The following ERC2 variants were observed in gnomAD, a reference collection of about 807,000 sequenced individuals.
ERC2 encodes the protein ELKS/RAB6-interacting/CAST family member 2, also known as ERC protein 2.
Under a neutral mutation model 114.8 loss-of-function variants are expected in ERC2, and 42 were observed. The ratio of observed to expected loss-of-function variants is 0.37; its 90% CI spans 0.29 to 0.47. ERC2 has a LOEUF of 0.47. Among genes scored for constraint, ERC2 ranks in the 20% least tolerant of loss-of-function variants. ERC2 has a pLI of 0.99. For missense variants in ERC2, 939 were observed against 1,150.7 expected (o/e 0.82, Z 2.66); for synonymous variants, 454 against 425.5 (o/e 1.07, Z -0.82).
chr3:56,365,468 TAAC>T (rs1282540328), intron 2 of ERC2, among the ~76,000 whole-genome samples: 2 of 152,236 alleles, frequency 1.3e-5, no homozygotes, highest in African/African-American at 4.8e-5. Context: ...CAAAATCAGC[TAAC>T]AACACGTTTC....
intron 2 of ERC2, among the ~76,000 whole-genome samples, chr3:56,400,413 A>C (rs1328075955): frequency 2.6e-5 from 4 of 152,210 alleles, no homozygotes; most frequent in Non-Finnish European, 4.4e-5. Context: ...CAAAAAATTA[A>C]ACTAAAATCT....
chr3:55,770,047 A>G (rs971821158), intron 14 of ERC2, among the ~76,000 whole-genome samples: 3 of 152,216 alleles, frequency 2.0e-5, no homozygotes, highest in African/African-American at 7.2e-5. Context: ...CGAATGGGAT[A>G]TAAGAGAAAG....
At chr3:55,847,661 G>A (rs1031637861) in intron 14 of ERC2, among the ~76,000 whole-genome samples, 1 of 149,630 alleles carries the variant, frequency 6.7e-6, no homozygotes, top group Non-Finnish European at 1.5e-5. Context: ...GGTGCCGGGA[G>A]GACAGATGAA....
chr3:55,663,778 G>T (rs771089358), intron 17 of ERC2, among the ~76,000 whole-genome samples: 1 of 152,068 alleles, frequency 6.6e-6, no homozygotes, highest in Non-Finnish European at 1.5e-5. Context: ...TAACTAAGTG[G>T]CTAAGTAAAT....
At chr3:55,761,765 A>G (rs2067450962) in intron 14 of ERC2, among the ~76,000 whole-genome samples, 1 of 150,228 alleles carries the variant, frequency 6.7e-6, no homozygotes, top group African/African-American at 2.5e-5. Context: ...AGTCCCAGCT[A>G]CTCGGGAGGC....
Position 56,068,214 on chromosome 3 carries a change from G to A in ERC2, c.1641+12603C>T, listed in dbSNP as rs531753387. Among the ~76,000 whole-genome samples, 23 of 152,274 alleles carry A rather than the reference G, an allele frequency of 1.5e-4. 1 individual carries two copies. In the South Asian group the frequency reaches 4.4e-3, roughly 29 times the overall value. On this transcript the variant is annotated intron_variant, in intron 7 of 17. Coordinates refer to ENST00000288221, the MANE Select transcript of ERC2 (RefSeq NM_015576.3). ...GCTATTTATTACTGCCTCAATTTCA[G>A]AACTTGTTATTGGTCTATTCAAGGA...
chr3:56,106,956 G>A (rs2078696711), intron 6 of ERC2, among the ~76,000 whole-genome samples: 1 of 152,190 alleles, frequency 6.6e-6, no homozygotes, highest in Non-Finnish European at 1.5e-5. Flanking sequence ...TCAATCAGAG[G>A]TGATCAGGTG....
chr3:55,618,326 ATT>A (rs577317751), intron 17 of ERC2, among the ~76,000 whole-genome samples: 6 of 152,226 alleles, frequency 3.9e-5, no homozygotes, highest in Non-Finnish European at 8.8e-5. Flanking sequence ...CTGGGAGGCC[ATT>A]TCACAATCTT....
At chr3:55,638,430 C>T (rs2060042176) in intron 17 of ERC2, among the ~76,000 whole-genome samples, 1 of 152,216 alleles carries the variant, frequency 6.6e-6, no homozygotes. Context: ...AGGGGCTCGG[C>T]AAAGCAGTCA....
At chr3:55,645,047 T>C (rs1047063869) in intron 17 of ERC2, among the ~76,000 whole-genome samples, 8 of 152,190 alleles carry the variant, frequency 5.3e-5, no homozygotes, top group African/African-American at 1.9e-4. Context: ...AACTGGAACC[T>C]GGAAGAGGGT....
rs372035737 is a variant in ERC2, at chr3:56,401,019, T to C, written c.657+33332A>G. Among the ~76,000 whole-genome samples, 135 of 152,264 alleles carry C rather than the reference T, an allele frequency of 8.9e-4. 2 individuals are homozygous for C. The South Asian group carries it at 0.018, about 20-fold the overall frequency. On this transcript the variant is annotated intron_variant, in intron 2 of 17. Coordinates refer to ENST00000288221, the MANE Select transcript of ERC2 (RefSeq NM_015576.3). The stretch of plus-strand genomic sequence containing the variant: ...TTGTTTTTTCCCACTAGCAATTGCA[T>C]GAAAAGGGAAAAGCAGGAAAGTCCC...
At chr3:56,227,299 G>A (rs556348046) in intron 3 of ERC2, among the ~76,000 whole-genome samples, 78 of 152,076 alleles carry the variant, frequency 5.1e-4, no homozygotes, top group Middle Eastern at 6.8e-3. Context: ...AAGTTGCATC[G>A]GTTCCTGGGC....
intron 2 of ERC2, among the ~76,000 whole-genome samples, chr3:56,358,230 C>T (rs779789817): frequency 8.5e-5 from 13 of 152,114 alleles, no homozygotes; most frequent in Admixed American, 2.0e-4. Context: ...CTGATTACAC[C>T]GAACAATATT....
At chr3:56,269,903 T>TA (rs35047407) in intron 3 of ERC2, among the ~76,000 whole-genome samples, 9 of 151,818 alleles carry the variant, frequency 5.9e-5, no homozygotes, top group East Asian at 3.9e-4. Context: ...AATAGTCTTA[T>TA]AAAAAAAAGC....
At chr3:56,449,911 A>G (rs896446976) in intron 1 of ERC2, among the ~76,000 whole-genome samples, 3 of 152,238 alleles carry the variant, frequency 2.0e-5, no homozygotes, top group African/African-American at 7.2e-5. Context: ...TAGCCCTGTC[A>G]GACACTTTGG....
intron 2 of ERC2, among the ~76,000 whole-genome samples, chr3:56,356,694 G>C (rs1385146732): frequency 6.6e-6 from 1 of 152,088 alleles, no homozygotes; most frequent in Non-Finnish European, 1.5e-5. Context: ...AAATCCAAGT[G>C]AACCTCCTCT....
At chr3:55,716,098 C>A (rs929725805) in intron 15 of ERC2, among the ~76,000 whole-genome samples, 2 of 152,194 alleles carry the variant, frequency 1.3e-5, no homozygotes, top group African/African-American at 4.8e-5. Flanking sequence ...TGGTTCCAAG[C>A]TGACTTTGTG....
chr3:55,799,396 CAT>C (rs113060111), intron 14 of ERC2, among the ~76,000 whole-genome samples: 11 of 98,190 alleles, frequency 1.1e-4, no homozygotes, highest in Non-Finnish European at 1.6e-4. Context: ...TATATATATG[CAT>C]ATATATATAT....
At chr3:56,375,580 A>C (rs958882899) in intron 2 of ERC2, among the ~76,000 whole-genome samples, 2 of 152,194 alleles carry the variant, frequency 1.3e-5, no homozygotes, top group Non-Finnish European at 2.9e-5. Flanking sequence ...CTGTTGATGG[A>C]AGGCAATCCA....
Sources: gnomAD v4.1 joint callset for allele counts (sites outside exome capture counted in the v4.1 genomes callset) on GRCh38, gnomAD v4.1.1 for gene constraint, MANE v1.5 for transcripts, NCBI Gene and HGNC (gene_info 2026-07-23, HGNC 2026-07-21) for gene names.